The following FRMD4A variants were observed in gnomAD, a reference collection of about 807,000 sequenced individuals.
The protein encoded by FRMD4A is FERM domain containing 4A.
In FRMD4A, 29 loss-of-function variants were observed where a neutral mutation model predicts 129.1. The ratio of observed to expected loss-of-function variants is 0.22; its 90% confidence interval spans 0.17 to 0.31. FRMD4A has a LOEUF of 0.31. FRMD4A is among the 10% of genes least tolerant of loss of function. The pLI is 1.00. For missense variants in FRMD4A, 1,272 were observed against 1,375.8 expected, an observed-to-expected ratio of 0.92 and a Z score of 1.19; for synonymous variants, 634 against 571.6, an observed-to-expected ratio of 1.11 and a Z score of -1.56.
intron 12 of FRMD4A, among the ~76,000 whole-genome samples, chr10:13,714,040 A>ATATTTTT: frequency 2.7e-5 from 1 of 37,098 alleles, no homozygotes. Flanking sequence ...ATATATATAT[A>ATATTTTT]TATATATATA....
intron 2 of FRMD4A, among the ~76,000 whole-genome samples, chr10:13,951,074 A>C (rs2131334177): frequency 6.6e-6 from 1 of 152,330 alleles, no homozygotes; most frequent in Non-Finnish European, 1.5e-5. Flanking sequence ...AGAAGGAGGA[A>C]GAAGGGCAGG....
intron 2 of FRMD4A, among the ~76,000 whole-genome samples, chr10:14,220,873 G>C (rs559689426): frequency 6.6e-6 from 1 of 151,858 alleles, no homozygotes; most frequent in African/African-American, 2.4e-5. Context: ...GAGGCAGGTG[G>C]TATCAGGGAC....
chr10:14,032,159 C>T (rs750926154), intron 2 of FRMD4A, among the ~76,000 whole-genome samples: 3 of 152,134 alleles, frequency 2.0e-5, no homozygotes, highest in Non-Finnish European at 2.9e-5. Context: ...ATTCATGGAT[C>T]GTGCAACCTG....
intron 2 of FRMD4A, among the ~76,000 whole-genome samples, chr10:13,864,467 T>A (rs1272872351): frequency 4.6e-5 from 7 of 152,126 alleles, no homozygotes; most frequent in Admixed American, 1.3e-4. Context: ...TTTCTCAACA[T>A]ACCACCTTTC....
chr10:14,204,360 T>C (rs1842721838), intron 2 of FRMD4A, among the ~76,000 whole-genome samples: 1 of 151,728 alleles, frequency 6.6e-6, no homozygotes, highest in African/African-American at 2.4e-5. Flanking sequence ...CCCAGGGAGG[T>C]TGAGGCTGCA....
intron 2 of FRMD4A, among the ~76,000 whole-genome samples, chr10:14,126,405 G>C (rs531138950): frequency 6.6e-6 from 1 of 152,194 alleles, no homozygotes; most frequent in Non-Finnish European, 1.5e-5. Context: ...TCTTGACCTT[G>C]TGATCCACCT....
chr10:14,260,667 C>T (rs1331190493), intron 2 of FRMD4A, among the ~76,000 whole-genome samples: 1 of 152,204 alleles, frequency 6.6e-6, no homozygotes, highest in African/African-American at 2.4e-5. Context: ...CTGGCTATCT[C>T]CCATCAGTAG....
At chr10:14,024,590 G>C (rs1474797655) in intron 2 of FRMD4A, among the ~76,000 whole-genome samples, 1 of 152,250 alleles carries the variant, frequency 6.6e-6, no homozygotes, top group African/African-American at 2.4e-5. Flanking sequence ...TGCTCGAGCT[G>C]TGTAGCCAGA....
intron 12 of FRMD4A, among the ~76,000 whole-genome samples, chr10:13,710,993 G>T (rs1262114938): frequency 1.3e-5 from 2 of 152,156 alleles, no homozygotes; most frequent in African/African-American, 4.8e-5. Flanking sequence ...CAGCCTGGGC[G>T]ACACAGCAAG....
intron 12 of FRMD4A, among the ~76,000 whole-genome samples, chr10:13,714,041 T>A (rs1430664255): frequency 3.6e-4 from 2 of 5,500 alleles, no homozygotes; most frequent in African/African-American, 1.5e-3. Context: ...TATATATATA[T>A]ATATATATAT....
chr10:13,789,569 C>CAT (rs2092945019), intron 5 of FRMD4A, among the ~76,000 whole-genome samples: 1 of 148,800 alleles, frequency 6.7e-6, no homozygotes, highest in Admixed American at 6.6e-5. Context: ...CACACACACA[C>CAT]ACACACACAC....
chr10:13,875,341 A>G (rs1176441664), intron 2 of FRMD4A, among the ~76,000 whole-genome samples: 3 of 152,226 alleles, frequency 2.0e-5, no homozygotes, highest in African/African-American at 7.2e-5. Flanking sequence ...AGCAAGATCC[A>G]CAAGCACTTG....
At chr10:13,707,480 A>G (rs1312499780) in intron 12 of FRMD4A, 2 of 1,016,870 alleles carry the variant, frequency 2.0e-6, no homozygotes, top group African/African-American at 1.7e-5. Context: ...AGAGGGACCC[A>G]GCAGGGAAGG....
At chr10:14,315,308 G>C (rs1388077048) in intron 2 of FRMD4A, among the ~76,000 whole-genome samples, 1 of 152,044 alleles carries the variant, frequency 6.6e-6, no homozygotes, top group South Asian at 2.1e-4. Flanking sequence ...ACCTCCACTA[G>C]AATGTCTCAT....
At chr10:13,995,596 A>G (rs2095619642) in intron 2 of FRMD4A, among the ~76,000 whole-genome samples, 1 of 152,190 alleles carries the variant, frequency 6.6e-6, no homozygotes, top group African/African-American at 2.4e-5. Flanking sequence ...GACAAACACA[A>G]GATGATCTGC....
rs140046451 is a variant in FRMD4A, at chr10:13,805,499, A to G, written c.206+5315T>C. ...ACTTATTTACAGCATTTAACAAGCA[A>G]TTCTTAAAATTTATGACAGGAGATT... On this transcript the variant is annotated intron_variant, in intron 4 of 24. Coordinates refer to ENST00000357447, the MANE Select transcript of FRMD4A (RefSeq NM_018027.5). Among the ~76,000 whole-genome samples the G allele has an allele frequency of 6.4e-3, 971 of 152,268 alleles. 16 individuals carry two copies. Among genetic ancestry groups the G allele is most frequent in the East Asian group, 0.018 (94 of 5,186 alleles).
chr10:13,699,836 C>A (rs571547928), intron 14 of FRMD4A, among the ~76,000 whole-genome samples: 1 of 152,288 alleles, frequency 6.6e-6, no homozygotes, highest in South Asian at 2.1e-4. Flanking sequence ...CACTTTGGCC[C>A]CATTTCTTTT....
At chr10:13,884,987 C>T (rs1406472) in intron 2 of FRMD4A, among the ~76,000 whole-genome samples, 1,589 of 152,308 alleles carry the variant, frequency 0.01, 28 homozygotes, top group African/African-American at 0.035. Context: ...TCTTCTACCT[C>T]GATGGGATCA....
chr10:13,732,334 G>GA (rs952112695), intron 12 of FRMD4A, among the ~76,000 whole-genome samples: 3 of 151,658 alleles, frequency 2.0e-5, no homozygotes, highest in African/African-American at 7.3e-5. Flanking sequence ...CTTTTTTGTG[G>GA]GGATGAGGGG....
Sources: gnomAD v4.1 joint callset for allele counts (sites outside exome capture counted in the v4.1 genomes callset) on GRCh38, gnomAD v4.1.1 for gene constraint, MANE v1.5 for transcripts, NCBI Gene and HGNC (gene_info 2026-07-23, HGNC 2026-07-21) for gene names.